Variants in MINDY4B observed in about 807,000 individuals in gnomAD.
The protein encoded by MINDY4B is MINDY family member 4B.
Under a neutral mutation model 16.7 loss-of-function variants are expected in MINDY4B, and 25 were observed. That is an observed-to-expected ratio of 1.49 (90% CI 1.09 to 2.09). The LOEUF (loss-of-function observed/expected upper bound fraction) is 2.09. MINDY4B is among the 30% of genes most tolerant of loss of function. The pLI is 0.00. For missense variants in MINDY4B, 327 were observed against 168.4 expected (o/e 1.94, Z -5.21); for synonymous variants, 132 against 61.9 (o/e 2.13, Z -5.32).
intron 7 of MINDY4B, among the ~76,000 whole-genome samples, chr3:150,887,728 A>C (rs1711663355): frequency 6.6e-6 from 1 of 152,226 alleles, no homozygotes. Context: ...GGTTGCCATA[A>C]AAGATTACAG....
At chr3:150,902,819 C>G (rs1189096917) in intron 3 of MINDY4B, among the ~76,000 whole-genome samples, 1 of 152,202 alleles carries the variant, frequency 6.6e-6, no homozygotes, top group Non-Finnish European at 1.5e-5. Flanking sequence ...GCTACCTGCC[C>G]AGGACATGGC....
intron 10 of MINDY4B, among the ~76,000 whole-genome samples, chr3:150,879,075 A>T (rs1039884892): frequency 6.6e-6 from 1 of 152,220 alleles, no homozygotes; most frequent in African/African-American, 2.4e-5. Flanking sequence ...AAAGCCTGCA[A>T]CTTGTTTCCA....
chr3:150,887,678 A>G (rs1175865755), intron 7 of MINDY4B, among the ~76,000 whole-genome samples: 3 of 152,240 alleles, frequency 2.0e-5, no homozygotes, highest in African/African-American at 7.2e-5. Flanking sequence ...CTGTAGGCTA[A>G]TGCTGCAGAT....
chr3:150,872,711 C>G (rs1716998479), intron 11 of MINDY4B, among the ~76,000 whole-genome samples: 1 of 152,134 alleles, frequency 6.6e-6, no homozygotes, highest in Admixed American at 6.5e-5. Context: ...ACAGAGTAGG[C>G]CCTCAAAAAT....
intron 3 of MINDY4B, among the ~76,000 whole-genome samples, chr3:150,900,237 G>C (rs1200272685): frequency 2.6e-5 from 4 of 152,236 alleles, no homozygotes; most frequent in Non-Finnish European, 5.9e-5. Context: ...ACAGCAAAAG[G>C]TGAGAAACAG....
chr3:150,888,158 C>A (rs1414356121), intron 7 of MINDY4B, among the ~76,000 whole-genome samples: 1 of 152,042 alleles, frequency 6.6e-6, no homozygotes, highest in Non-Finnish European at 1.5e-5. Flanking sequence ...CGGGGAGAAT[C>A]CTTCCTTGCA....
At chr3:150,896,223 G>A (rs1202518916) in intron 3 of MINDY4B, among the ~76,000 whole-genome samples, 1 of 152,002 alleles carries the variant, frequency 6.6e-6, no homozygotes, top group Admixed American at 6.6e-5. Flanking sequence ...TTGAAGTTTT[G>A]ATTGTTTTTT....
chr3:150,887,428 A>G (rs1292370817), intron 7 of MINDY4B, among the ~76,000 whole-genome samples: 4 of 152,246 alleles, frequency 2.6e-5, no homozygotes, highest in Admixed American at 2.6e-4. Flanking sequence ...AACCAAGAAT[A>G]AAGAGGGACT....
intron 10 of MINDY4B, among the ~76,000 whole-genome samples, chr3:150,874,261 C>T (rs1202998412): frequency 6.6e-6 from 1 of 152,138 alleles, no homozygotes; most frequent in African/African-American, 2.4e-5. Context: ...AGCAATCTAC[C>T]TGCCTTGGCC....
chr3:150,893,534 T>C, intron 4 of MINDY4B, 119 bp from the exon 5 acceptor site: 2 of 673,548 alleles, frequency 3.0e-6, no homozygotes, highest in Non-Finnish European at 5.4e-6. Context: ...GACACCATGC[T>C]ATATTTGTGC....
intron 7 of MINDY4B, among the ~76,000 whole-genome samples, chr3:150,889,358 C>A (rs944106870): frequency 3.3e-5 from 5 of 152,236 alleles, no homozygotes; most frequent in Non-Finnish European, 7.3e-5. Flanking sequence ...TCCAAGCCCG[C>A]AAGGGCAGGG....
chr3:150,894,081 CAT>C, intron 4 of MINDY4B, 103 bp downstream of exon 4: 2 of 538,464 alleles, frequency 3.7e-6, no homozygotes, highest in Non-Finnish European at 6.5e-6. Context: ...TATTTCTACA[CAT>C]GATTATAATG....
chr3:150,871,218 A>C, intron 11 of MINDY4B, 31 bp from the exon 12 acceptor site: 1 of 699,360 alleles, frequency 1.4e-6, no homozygotes, highest in Non-Finnish European at 2.6e-6. Flanking sequence ...ATTTAGACCC[A>C]AGCCTATGAA....
At chr3:150,886,412 G>A (rs1332304641) in intron 7 of MINDY4B, among the ~76,000 whole-genome samples, 2 of 152,212 alleles carry the variant, frequency 1.3e-5, no homozygotes, top group East Asian at 3.8e-4. Flanking sequence ...CAGTGCCATA[G>A]GAGCCAGATA....
intron 10 of MINDY4B, among the ~76,000 whole-genome samples, chr3:150,876,622 T>C (rs1385768871): frequency 6.6e-6 from 1 of 152,190 alleles, no homozygotes; most frequent in African/African-American, 2.4e-5. Context: ...GTGCAGTGGG[T>C]ACTGCTTCAC....
chr3:150,892,099 T>C (rs1711830938), intron 5 of MINDY4B, among the ~76,000 whole-genome samples: 1 of 152,208 alleles, frequency 6.6e-6, no homozygotes, highest in African/African-American at 2.4e-5. Flanking sequence ...ATTTTTCTAC[T>C]TTCTCTGAAG....
chr3:150,888,288 A>C (rs185529093), intron 7 of MINDY4B, among the ~76,000 whole-genome samples: 3,366 of 151,922 alleles, frequency 0.022, 134 homozygotes, highest in African/African-American at 0.078. Context: ...CTCTTGTAAA[A>C]GATACCAGCC....
At chr3:150,880,758 C>T (rs770586520) in intron 10 of MINDY4B, among the ~76,000 whole-genome samples, 3 of 152,148 alleles carry the variant, frequency 2.0e-5, no homozygotes, top group Non-Finnish European at 4.4e-5. Context: ...ATTTTTGTGT[C>T]GTCACCACTA....
chr3:150,886,205 T>C (rs1229346017), intron 7 of MINDY4B, among the ~76,000 whole-genome samples: 1 of 152,238 alleles, frequency 6.6e-6, no homozygotes, highest in East Asian at 1.9e-4. Context: ...TTTAGCTTGA[T>C]GACAACACTC....
Sources: gnomAD v4.1 joint callset for allele counts (sites outside exome capture counted in the v4.1 genomes callset) on GRCh38, gnomAD v4.1.1 for gene constraint, MANE v1.5 for transcripts, NCBI Gene and HGNC (gene_info 2026-07-23, HGNC 2026-07-21) for gene names.